KCTD16: variants seen among roughly 807,000 people sequenced by gnomAD.
KCTD16 encodes the protein potassium channel tetramerization domain containing 16.
KCTD16 carries 13 observed loss-of-function variants against 33.2 expected under a neutral mutation model. The observed-to-expected ratio is 0.39, with a 90% CI of 0.25 to 0.62. KCTD16 has a LOEUF of 0.62. KCTD16 is among the 20% of genes least tolerant of loss of function. The probability of loss-of-function intolerance (pLI) is 0.50; values close to 1 mark genes in which losing one functional copy is unlikely to be tolerated. For missense variants in KCTD16, 441 were observed against 525.1 expected (o/e 0.84, Z 1.57); for synonymous variants, 197 against 195.3 (o/e 1.01, Z -0.07).
intron 3 of KCTD16, among the ~76,000 whole-genome samples, chr5:144,396,235 G>A (rs978127593): frequency 2.6e-5 from 4 of 152,126 alleles, no homozygotes; most frequent in Non-Finnish European, 5.9e-5. Context: ...AGGAGAAGAG[G>A]CGGCCAAACG....
At chr5:144,264,987 A>C (rs1755104776) in intron 3 of KCTD16, among the ~76,000 whole-genome samples, 1 of 152,218 alleles carries the variant, frequency 6.6e-6, no homozygotes, top group South Asian at 2.1e-4. Context: ...TTCCTTGGGA[A>C]ATTTGGCATT....
chr5:144,206,532 A>T lies in KCTD16; in HGVS notation c.-183A>T. ...GGGTTTAAACTACTTTTTCAGCATC[A>T]CTTCACCTGTGGACTCTTATACATT... On this transcript the variant is annotated 5_prime_UTR_variant, in exon 3 of 4. Transcript: ENST00000512467. 1.8e-6 allele frequency: 1 copy of T among 565,528 alleles called. No homozygotes were observed. Among genetic ancestry groups the T allele is most frequent in the East Asian group, 2.8e-5 (1 of 35,394 alleles). 35.0% of individuals were successfully genotyped at this position (565,528 alleles called of 1,614,324 possible).
chr5:144,209,132 T>G (rs1243416379), intron 3 of KCTD16, among the ~76,000 whole-genome samples: 8 of 152,208 alleles, frequency 5.3e-5, no homozygotes. Flanking sequence ...TCTCCGATTT[T>G]GAATATTTGA....
chr5:144,268,788 G>A (rs985747869), intron 3 of KCTD16, among the ~76,000 whole-genome samples: 2 of 152,030 alleles, frequency 1.3e-5, no homozygotes, highest in African/African-American at 4.8e-5. Flanking sequence ...ATTAGACAAG[G>A]ACATTAAAAC....
chr5:144,231,566 T>C (rs984444218), intron 3 of KCTD16, among the ~76,000 whole-genome samples: 4 of 152,194 alleles, frequency 2.6e-5, no homozygotes, highest in Admixed American at 2.6e-4. Flanking sequence ...TCTGATATGG[T>C]TTGGCTGTGT....
intron 3 of KCTD16, among the ~76,000 whole-genome samples, chr5:144,259,810 A>ACCCTG (rs1041023214): frequency 1.3e-5 from 2 of 151,960 alleles, no homozygotes; most frequent in African/African-American, 4.8e-5. Flanking sequence ...GCTAGCAAAA[A>ACCCTG]CCCTGTGGCC....
At chr5:144,424,536 G>A (rs1753280506) in intron 3 of KCTD16, among the ~76,000 whole-genome samples, 1 of 152,118 alleles carries the variant, frequency 6.6e-6, no homozygotes, top group South Asian at 2.1e-4. Flanking sequence ...CTCAGCTATG[G>A]CCACTCTGTC....
At chr5:144,249,730 G>C (rs367798772) in intron 3 of KCTD16, among the ~76,000 whole-genome samples, 1 of 152,086 alleles carries the variant, frequency 6.6e-6, no homozygotes, top group African/African-American at 2.4e-5. Flanking sequence ...CAATAGGTCA[G>C]GCTATCCGTA....
At chr5:144,429,034 C>G (rs1283171265) in intron 3 of KCTD16, among the ~76,000 whole-genome samples, 1 of 152,058 alleles carries the variant, frequency 6.6e-6, no homozygotes, top group Non-Finnish European at 1.5e-5. Context: ...ATGAACATAT[C>G]TGTAGCAGGT....
intron 3 of KCTD16, among the ~76,000 whole-genome samples, chr5:144,220,677 C>T (rs1339807643): frequency 6.6e-6 from 1 of 152,162 alleles, no homozygotes; most frequent in Non-Finnish European, 1.5e-5. Context: ...TGCAGTGGCT[C>T]ACGCCTGTAA....
intron 3 of KCTD16, among the ~76,000 whole-genome samples, chr5:144,310,670 T>C (rs1024067006): frequency 6.6e-6 from 1 of 152,140 alleles, no homozygotes; most frequent in Non-Finnish European, 1.5e-5. Flanking sequence ...GTCTGATTCA[T>C]GATTTATTTC....
chr5:144,398,994 C>T (rs1175120210), intron 3 of KCTD16, among the ~76,000 whole-genome samples: 1 of 152,012 alleles, frequency 6.6e-6, no homozygotes, highest in Non-Finnish European at 1.5e-5. Flanking sequence ...CAAGGGAAAT[C>T]TCTAAGTACC....
intron 3 of KCTD16, among the ~76,000 whole-genome samples, chr5:144,341,084 A>G (rs1483652528): frequency 6.6e-6 from 1 of 152,044 alleles, no homozygotes; most frequent in East Asian, 1.9e-4. Context: ...AAAAAACTGA[A>G]TCTGATGGCA....
chr5:144,372,753 C>G (rs1006060850), intron 3 of KCTD16, among the ~76,000 whole-genome samples: 4 of 152,060 alleles, frequency 2.6e-5, no homozygotes, highest in African/African-American at 9.7e-5. Context: ...TGAGGCCTGG[C>G]CAGGGAGTAG....
chr5:144,405,271 T>C (rs557973870), intron 3 of KCTD16, among the ~76,000 whole-genome samples: 128 of 152,338 alleles, frequency 8.4e-4, no homozygotes, highest in Middle Eastern at 3.4e-3. Context: ...AATTCTAGTA[T>C]GAAAATTACA....
chr5:144,267,126 G>A (rs936416813), intron 3 of KCTD16, among the ~76,000 whole-genome samples: 1 of 152,170 alleles, frequency 6.6e-6, no homozygotes, highest in African/African-American at 2.4e-5. Context: ...CCATTCTCAA[G>A]GATAGATCCT....
chr5:144,403,584 G>A (rs1752751510), intron 3 of KCTD16, among the ~76,000 whole-genome samples: 1 of 152,180 alleles, frequency 6.6e-6, no homozygotes, highest in Non-Finnish European at 1.5e-5. Flanking sequence ...AACCACCCTG[G>A]TGATGCACTG....
intron 3 of KCTD16, among the ~76,000 whole-genome samples, chr5:144,320,920 A>G (rs1275954704): frequency 1.3e-5 from 2 of 152,092 alleles, no homozygotes; most frequent in Non-Finnish European, 2.9e-5. Flanking sequence ...CAATGGCGTG[A>G]TCTCGGCTTA....
In KCTD16 at chr5:144,427,565, G is replaced by A. The variant is rs193059025; in HGVS notation, c.833-46095G>A. On this transcript the variant is annotated intron_variant, in intron 3 of 3. Coordinates refer to ENST00000512467, the MANE Select transcript of KCTD16 (RefSeq NM_020768.4). The stretch of plus-strand genomic sequence containing the variant: ...GCTATTTCTTTTTAAAAAAATTGAA[G>A]AAGAGAAGATACATCTTGGATGACT... Among the ~76,000 whole-genome samples the A allele has an allele frequency of 9.1e-4, 139 of 152,112 alleles. 2 individuals are homozygous for A. The East Asian group carries it at 0.025, about 27-fold the overall frequency.
Sources: gnomAD v4.1 joint callset for allele counts (sites outside exome capture counted in the v4.1 genomes callset) on GRCh38, gnomAD v4.1.1 for gene constraint, MANE v1.5 for transcripts, NCBI Gene and HGNC (gene_info 2026-07-23, HGNC 2026-07-21) for gene names.